FAM110B: variants seen among roughly 807,000 people sequenced by gnomAD.
FAM110B encodes protein FAM110B.
FAM110B carries 6 observed loss-of-function variants against 20.4 expected under a neutral mutation model. The observed-to-expected ratio is 0.29, with a 90% CI of 0.16 to 0.58. The LOEUF (loss-of-function observed/expected upper bound fraction) is 0.58, where lower values mean the gene tolerates loss of function less well. Ranked by LOEUF, FAM110B falls within the 20% of genes least tolerant of loss-of-function variation. The pLI is 0.90. For synonymous variants in FAM110B, 226 were observed against 214.1 expected, an observed-to-expected ratio of 1.06 and a Z score of -0.49; for missense variants, 434 against 498.2, an observed-to-expected ratio of 0.87 and a Z score of 1.23.
chr8:58,055,292 G>C (rs1400299972), intron 2 of FAM110B, among the ~76,000 whole-genome samples: 1 of 152,188 alleles, frequency 6.6e-6, no homozygotes, highest in African/African-American at 2.4e-5. Context: ...ATGGTCATTT[G>C]CTCAGATCTG....
intron 2 of FAM110B, among the ~76,000 whole-genome samples, chr8:58,066,127 C>G (rs1267270969): frequency 6.6e-6 from 1 of 152,088 alleles, no homozygotes; most frequent in Non-Finnish European, 1.5e-5. Flanking sequence ...TTCACCAGTA[C>G]TATAAAAAGC....
intron 3 of FAM110B, among the ~76,000 whole-genome samples, chr8:58,116,224 T>C (rs1157207587): frequency 6.6e-6 from 1 of 152,200 alleles, no homozygotes; most frequent in Non-Finnish European, 1.5e-5. Flanking sequence ...CTGTTAACTG[T>C]TTCCTGCTTC....
intron 3 of FAM110B, chr8:58,113,430 A>G: frequency 5.1e-6 from 1 of 196,752 alleles, no homozygotes; most frequent in East Asian, 1.2e-4. Flanking sequence ...CAGTTTGCTG[A>G]CATTTATAGT....
At chr8:58,013,536 C>G (rs1469538264) in intron 1 of FAM110B, among the ~76,000 whole-genome samples, 1 of 152,164 alleles carries the variant, frequency 6.6e-6, no homozygotes, top group Non-Finnish European at 1.5e-5. Context: ...GGGAAGCAGG[C>G]TTCAGCTTAA....
At position 58,081,831 on chromosome 8, in the gene FAM110B, A is replaced by G. The variant is rs1806200499; in HGVS notation, c.-325+6208A>G. ...TAGAATCTAAGAATTTTTGCCATTT[A>G]TTCATTCAACAAATTCATAATTCAT... On this transcript the variant is annotated intron_variant, in intron 3 of 3. Coordinates refer to ENST00000519262, the MANE Select transcript of FAM110B (RefSeq NM_001377989.1). Among the ~76,000 whole-genome samples the G allele has an allele frequency of 4.6e-5, 7 of 151,896 alleles. No individual in the cohort carries two copies. The South Asian group carries it at 1.5e-3, about 32-fold the overall frequency.
At chr8:58,108,865 G>A (rs1806983932) in intron 3 of FAM110B, among the ~76,000 whole-genome samples, 2 of 152,140 alleles carry the variant, frequency 1.3e-5, no homozygotes, top group South Asian at 4.1e-4. Context: ...TCTGGGTTCT[G>A]GAAGTAATTT....
At chr8:58,036,430 G>A (rs546192942) in intron 2 of FAM110B, among the ~76,000 whole-genome samples, 1 of 152,264 alleles carries the variant, frequency 6.6e-6, no homozygotes, top group Admixed American at 6.5e-5. Flanking sequence ...CTTGCTAAGT[G>A]TTCTTCTTTC....
intron 1 of FAM110B, among the ~76,000 whole-genome samples, chr8:58,022,165 C>A (rs546423039): frequency 1.8e-4 from 28 of 152,194 alleles, no homozygotes; most frequent in Non-Finnish European, 7.3e-5. Context: ...GTGAGAAAGA[C>A]CGAACTCTGT....
At chr8:58,061,051 C>A (rs1267125169) in intron 2 of FAM110B, among the ~76,000 whole-genome samples, 1 of 152,162 alleles carries the variant, frequency 6.6e-6, no homozygotes, top group African/African-American at 2.4e-5. Context: ...GTATAATATT[C>A]TCAGTATAAG....
intron 3 of FAM110B, among the ~76,000 whole-genome samples, chr8:58,135,276 G>T (rs961881711): frequency 6.6e-5 from 10 of 152,188 alleles, no homozygotes; most frequent in Non-Finnish European, 1.2e-4. Flanking sequence ...CATTATTACA[G>T]TTCTGGGGAC....
At chr8:58,004,161 T>G (rs891652683) in intron 1 of FAM110B, among the ~76,000 whole-genome samples, 18 of 152,340 alleles carry the variant, frequency 1.2e-4, no homozygotes, top group Non-Finnish European at 2.2e-4. Flanking sequence ...TTCGTGCTCC[T>G]TTGAGAATCT....
chr8:58,068,793 A>G (rs1473739552), intron 2 of FAM110B, among the ~76,000 whole-genome samples: 2 of 152,184 alleles, frequency 1.3e-5, no homozygotes, highest in South Asian at 2.1e-4. Context: ...GGGGAAAAGA[A>G]GTAGATAAAC....
intron 2 of FAM110B, among the ~76,000 whole-genome samples, chr8:58,053,507 C>A (rs909822091): frequency 2.0e-5 from 3 of 152,234 alleles, no homozygotes; most frequent in South Asian, 4.1e-4. Flanking sequence ...TAATGACATG[C>A]AATGGAGACA....
chr8:58,128,272 A>G (rs867299671), intron 3 of FAM110B, among the ~76,000 whole-genome samples: 48 of 152,160 alleles, frequency 3.2e-4, no homozygotes, highest in African/African-American at 1.1e-3. Context: ...CAGGATTCAG[A>G]CTAGACCAAC....
chr8:58,049,034 T>C (rs1412587484), intron 2 of FAM110B, among the ~76,000 whole-genome samples: 4 of 152,308 alleles, frequency 2.6e-5, no homozygotes, highest in African/African-American at 9.6e-5. Context: ...TGTGTGTGTG[T>C]TTTTTCTTAA....
intron 2 of FAM110B, among the ~76,000 whole-genome samples, chr8:58,040,131 G>A (rs1385191432): frequency 6.6e-6 from 1 of 151,934 alleles, no homozygotes; most frequent in Non-Finnish European, 1.5e-5. Flanking sequence ...GAATTGGTCA[G>A]CGCTTCTTCG....
intron 1 of FAM110B, among the ~76,000 whole-genome samples, chr8:58,000,200 G>T (rs1804265547): frequency 6.6e-6 from 1 of 152,242 alleles, no homozygotes; most frequent in South Asian, 2.1e-4. Context: ...AGCAGCCAAG[G>T]AACCAGGTCA....
chr8:58,053,375 A>G (rs1343420123), intron 2 of FAM110B, among the ~76,000 whole-genome samples: 2 of 152,228 alleles, frequency 1.3e-5, no homozygotes, highest in African/African-American at 2.4e-5. Context: ...AGGAACAGAA[A>G]TGCTGACTCC....
At chr8:58,006,831 G>T (rs1198984999) in intron 1 of FAM110B, among the ~76,000 whole-genome samples, 1 of 148,594 alleles carries the variant, frequency 6.7e-6, no homozygotes, top group Non-Finnish European at 1.5e-5. Flanking sequence ...CAGGTGATCC[G>T]CCCACCTCAG....
Sources: allele counts gnomAD v4.1 joint callset (sites outside exome capture counted in the v4.1 genomes callset), GRCh38; gene constraint gnomAD v4.1.1; transcripts MANE v1.5; gene names NCBI Gene and HGNC (gene_info 2026-07-23, HGNC 2026-07-21).